Variants in TNS1 observed in about 807,000 individuals in gnomAD.
TNS1 encodes the protein tensin 1, also known as tensin-1.
Under a neutral mutation model 168.6 loss-of-function variants are expected in TNS1, and 62 were observed. The observed-to-expected ratio is 0.37, with a 90% CI of 0.30 to 0.45. TNS1 has a LOEUF of 0.45. TNS1 is among the 20% of genes least tolerant of loss of function. TNS1 has a pLI of 1.00. For missense variants in TNS1, 2,240 were observed against 2,339.4 expected (o/e 0.96, Z 0.88); for synonymous variants, 934 against 933.2 (o/e 1.00, Z -0.02).
intron 3 of TNS1, among the ~76,000 whole-genome samples, chr2:217,935,539 G>A (rs1291396541): frequency 2.0e-5 from 3 of 152,102 alleles, no homozygotes; most frequent in African/African-American, 7.2e-5. Flanking sequence ...TAGCTCAGCC[G>A]GCCACAGCAG....
chr2:218,016,583 T>C (rs1179962841), intron 1 of TNS1, among the ~76,000 whole-genome samples: 4 of 152,098 alleles, frequency 2.6e-5, no homozygotes, highest in Non-Finnish European at 4.4e-5. Flanking sequence ...CCCGGGGCCC[T>C]CAGTCCATGC....
intron 1 of TNS1, among the ~76,000 whole-genome samples, chr2:218,026,264 T>C (rs921255100): frequency 1.3e-5 from 2 of 152,176 alleles, no homozygotes; most frequent in South Asian, 2.1e-4. Context: ...TGGAACTCAG[T>C]GTAAGCTCGA....
At chr2:217,969,443 C>T (rs1957725035) in intron 3 of TNS1, among the ~76,000 whole-genome samples, 1 of 151,878 alleles carries the variant, frequency 6.6e-6, no homozygotes, top group South Asian at 2.1e-4. Context: ...AAAGCACAAG[C>T]CACTAAAGAA....
At chr2:217,963,859 C>T (rs921314957) in intron 3 of TNS1, among the ~76,000 whole-genome samples, 4 of 136,812 alleles carry the variant, frequency 2.9e-5, no homozygotes, top group Non-Finnish European at 4.6e-5. Flanking sequence ...GCCTGGGCAA[C>T]ATGGTGAAAC....
intron 8 of TNS1, among the ~76,000 whole-genome samples, chr2:217,896,737 C>T (rs1952347845): frequency 6.6e-6 from 1 of 152,084 alleles, no homozygotes; most frequent in East Asian, 1.9e-4. Flanking sequence ...ATAGTGGATA[C>T]CAAAATCCAT....
chr2:217,845,944 A>T lies in TNS1; in HGVS notation c.3007+1566T>A, dbSNP rs534662965. On this transcript the variant is annotated intron_variant, in intron 19 of 32. Coordinates refer to ENST00000682258, the MANE Select transcript of TNS1 (RefSeq NM_001387777.1). ...CTTTAGGCCACCACTCCAACCTTGC[A>T]AAATATTGGGAGAGGAATTAAATTC... Among the ~76,000 whole-genome samples, 40 of 152,304 alleles carry T rather than the reference A, an allele frequency of 2.6e-4. 1 individual carries two copies. Among genetic ancestry groups the T allele is most frequent in the African/African-American group, 9.6e-4 (40 of 41,562 alleles).
chr2:217,948,001 G>A lies in TNS1; in HGVS notation c.187-27765C>T, dbSNP rs921722978. Among the ~76,000 whole-genome samples, 6 of 152,162 alleles carry A rather than the reference G, an allele frequency of 3.9e-5. No homozygotes were observed. Among genetic ancestry groups the A allele is most frequent in the African/African-American group, 9.7e-5 (4 of 41,422 alleles). On this transcript the variant is annotated intron_variant, in intron 3 of 32. Coordinates refer to ENST00000682258, the MANE Select transcript of TNS1 (RefSeq NM_001387777.1). This position sits in a 1 kb window ranked among gnomAD's most constrained non-coding sequence, Gnocchi z 4.1. ...GTGAAGTTAAGCAAAAGCACAAAGC[G>A]GCTAATGAAAGAGATAGAATTTCAA...
intron 18 of TNS1, among the ~76,000 whole-genome samples, chr2:217,870,876 G>A (rs896299497): frequency 6.6e-6 from 1 of 152,236 alleles, no homozygotes; most frequent in African/African-American, 2.4e-5. Context: ...GTGCAAGCAG[G>A]TGGCTGGCAG....
intron 1 of TNS1, among the ~76,000 whole-genome samples, chr2:218,031,378 G>GT (rs1559415712): frequency 6.6e-6 from 1 of 150,742 alleles, no homozygotes. Flanking sequence ...GCATGTCTGT[G>GT]TGTGTATGAA....
At chr2:217,928,340 C>T (rs1343442089) in intron 3 of TNS1, among the ~76,000 whole-genome samples, 1 of 152,266 alleles carries the variant, frequency 6.6e-6, no homozygotes, top group Non-Finnish European at 1.5e-5. Flanking sequence ...CGGCCCATTT[C>T]CTCCCCAGGC....
intron 6 of TNS1, 188 bp from the exon 7 acceptor site, chr2:217,900,700 G>T (rs774060761): frequency 1.6e-6 from 1 of 638,258 alleles, no homozygotes; most frequent in Non-Finnish European, 2.7e-6. Flanking sequence ...CTGATTCCAC[G>T]TGAGTGTGCC....
intron 3 of TNS1, among the ~76,000 whole-genome samples, chr2:217,939,615 C>A (rs940211343): frequency 6.6e-6 from 1 of 152,246 alleles, no homozygotes; most frequent in Admixed American, 6.5e-5. Flanking sequence ...GGCCAAAGGG[C>A]CAGAATTCCC....
intron 3 of TNS1, among the ~76,000 whole-genome samples, chr2:217,941,187 G>A (rs1408453617): frequency 2.6e-5 from 4 of 152,346 alleles, no homozygotes; most frequent in African/African-American, 9.6e-5. Context: ...AGGGAGGCCT[G>A]TTTTGGGGAG....
chr2:218,001,456 C>A (rs753005125), intron 1 of TNS1, among the ~76,000 whole-genome samples: 3 of 152,078 alleles, frequency 2.0e-5, no homozygotes, highest in Admixed American at 6.5e-5. Flanking sequence ...CACAGCAGCT[C>A]GTCACCCCTG....
At chr2:218,016,002 G>C (rs1209990146) in intron 1 of TNS1, among the ~76,000 whole-genome samples, 2 of 152,070 alleles carry the variant, frequency 1.3e-5, no homozygotes, top group African/African-American at 4.8e-5. Context: ...AACTAGGAGA[G>C]AGAGTGAGAT....
At chr2:217,955,785 A>T (rs1407322463) in intron 3 of TNS1, among the ~76,000 whole-genome samples, 1 of 152,098 alleles carries the variant, frequency 6.6e-6, no homozygotes, top group African/African-American at 2.4e-5. Context: ...GGCCTCAAAC[A>T]ATCCTCCCTC....
chr2:218,020,639 ACTT>A (rs756134707), intron 1 of TNS1, among the ~76,000 whole-genome samples: 7 of 152,148 alleles, frequency 4.6e-5, no homozygotes, highest in Non-Finnish European at 8.8e-5. Flanking sequence ...TGGAAGAAGA[ACTT>A]CTGTGTCCAG....
intron 12 of TNS1, among the ~76,000 whole-genome samples, chr2:217,889,124 C>G (rs1284117587): frequency 6.6e-6 from 1 of 152,254 alleles, no homozygotes; most frequent in Non-Finnish European, 1.5e-5. Context: ...CCTGAGAAGA[C>G]TCTCGTTGAT....
In TNS1 at chr2:217,817,893, G is replaced by C; in HGVS notation, c.4439C>G (p.Ala1480Gly). 6.2e-7 allele frequency: 1 copy of C among 1,614,054 alleles called. No individual in the cohort carries two copies. Among genetic ancestry groups the C allele is most frequent in the Non-Finnish European group, 8.5e-7 (1 of 1,179,926 alleles). Residue 1480 changes from alanine to glycine, a missense_variant, in exon 24 of 33, where the codon GCC (alanine) becomes GGC (glycine). This residue lies in a region of TNS1 where 2,131 missense variants were observed against 2,171.2 expected (regional missense o/e 0.98). Transcript: ENST00000682258. ...PATSPSPDSA[A>G]FRQGSPTPAL... ...TGGTGTTGGGCTCCCTTGCCGGAAG[G>C]CTGCGGAGTCTGGTGACGGGGAGGT... is the stretch of plus-strand genomic sequence containing the variant.
Sources: gnomAD v4.1 joint callset for allele counts (sites outside exome capture counted in the v4.1 genomes callset) on GRCh38, gnomAD v4.1.1 for gene constraint, gnomAD v4.1.1 regional missense constraint, Gnocchi (gnomAD v3.1) non-coding constraint, MANE v1.5 for transcripts, NCBI Gene and HGNC (gene_info 2026-07-23, HGNC 2026-07-21) for gene names.